Variants in DNAH8 observed in about 807,000 individuals in gnomAD.
The protein encoded by DNAH8 is dynein axonemal heavy chain 8.
In DNAH8, 382 loss-of-function variants were observed where a neutral mutation model predicts 562.1. That is an observed-to-expected ratio of 0.68 (90% CI 0.63 to 0.74). The LOEUF is 0.74. DNAH8 is among the 30% of genes least tolerant of loss of function. The probability of loss-of-function intolerance (pLI) is 0.00; values close to 1 mark genes in which losing one functional copy is unlikely to be tolerated. For missense variants in DNAH8, 5,203 were observed against 5,620.4 expected, an observed-to-expected ratio of 0.93 and a Z score of 2.37; for synonymous variants, 1,881 against 1,919.4, an observed-to-expected ratio of 0.98 and a Z score of 0.52.
At chr6:38,715,958 A>ATTTTTTTTTT (rs1454056787) in intron 1 of DNAH8, among the ~76,000 whole-genome samples, 39 of 31,050 alleles carry the variant, frequency 1.3e-3, no homozygotes, top group African/African-American at 7.6e-3. Context: ...ATATATATAT[A>ATTTTTTTTTT]TATTTTTTTT....
At position 38,857,708 on chromosome 6, in the gene DNAH8, T is replaced by G; in HGVS notation, c.5924T>G (p.Ile1975Ser). 6.2e-7 allele frequency: 1 copy of G among 1,612,738 alleles called. No individual in the cohort carries two copies. ...GTGAAGTTCGAGACTCTAATTACCATCCATGTGCATCAGAGAGATATTTTT... is the reference window on the plus strand; with the variant it reads ...GTGAAGTTCGAGACTCTAATTACCAGCCATGTGCATCAGAGAGATATTTTT... The part of the protein sequence containing the change: ...DRVKFETLIT[I>S]HVHQRDIFDD... The change falls in exon 42 of 93, where the codon ATC (isoleucine) becomes AGC (serine). Residue 1975 changes from isoleucine to serine, a missense_variant. Around this residue, in one of 6 missense-constraint regions of DNAH8, gnomAD observed 2,176 missense variants for 2,365.1 expected, o/e 0.92. Transcript: ENST00000327475.
chr6:39,010,634 G>A lies in DNAH8; in HGVS notation c.13372-1581G>A, dbSNP rs146942957. On this transcript the variant is annotated intron_variant, in intron 89 of 92. Transcript: ENST00000327475. ...ATACCTGGGCTATTGATTTGATACTGTAGTCAATACCTGAGCTTTATTTTC... is the reference window on the plus strand; with the variant it reads ...ATACCTGGGCTATTGATTTGATACTATAGTCAATACCTGAGCTTTATTTTC... 1.1e-4 allele frequency among the ~76,000 whole-genome samples: 16 copies of A among 152,120 alleles called. No homozygotes were observed. The East Asian group carries it at 2.9e-3, about 28-fold the overall frequency.
intron 62 of DNAH8, among the ~76,000 whole-genome samples, chr6:38,904,512 C>T (rs1321513293): frequency 2.0e-5 from 3 of 151,904 alleles, no homozygotes; most frequent in Non-Finnish European, 4.4e-5. Flanking sequence ...AAATGCTGGC[C>T]GGGCGCCCTG....
chr6:38,917,957 T>G lies in DNAH8; in HGVS notation c.10341T>G (p.Leu3447=). 6.2e-7 allele frequency: 1 copy of G among 1,613,638 alleles called. No individual in the cohort carries two copies. Among genetic ancestry groups the G allele is most frequent in the Non-Finnish European group, 8.5e-7 (1 of 1,179,806 alleles). ...GTGCAACAGGATTCCTGTGGAGCCT[T>G]CAGCAGTTCCCTAAGGACACTATAA... is the stretch of plus-strand genomic sequence containing the variant. The part of the protein sequence containing the change: ...LMSATGFLWS[L]QQFPKDTINE... Residue 3447 remains leucine, a synonymous_variant, in exon 70 of 93, where the codon CTT becomes CTG. Transcript: ENST00000327475.
At chr6:39,020,243 C>G (rs375813732) in intron 91 of DNAH8, among the ~76,000 whole-genome samples, 1 of 152,102 alleles carries the variant, frequency 6.6e-6, no homozygotes, top group Non-Finnish European at 1.5e-5. Flanking sequence ...CTCAAGGGGC[C>G]CTGGAAAGAG....
In DNAH8 at chr6:38,911,698, A is replaced by G. The variant is rs143817859; in HGVS notation, c.9859+112A>G. On this transcript the variant is annotated intron_variant, in intron 66 of 92. Transcript: ENST00000327475. ...CTGAAAATGAAATACTCACTTTGTT[A>G]GTAGTAGATAATTTTAAAGGATGGC... 190 of 729,144 alleles carry G rather than the reference A, an allele frequency of 2.6e-4. No homozygotes were observed. The African/African-American group carries it at 3.0e-3, about 11-fold the overall frequency. The allele number at this position is 729,144 out of a possible 1,614,324, so 45.2% of individuals were successfully genotyped here.
intron 85 of DNAH8, among the ~76,000 whole-genome samples, chr6:38,977,602 A>G (rs1484275302): frequency 1.3e-5 from 2 of 152,116 alleles, no homozygotes; most frequent in Non-Finnish European, 2.9e-5. Flanking sequence ...CATCCAGTGT[A>G]GCATCGTTCT....
chr6:39,030,432 A>T lies in DNAH8; in HGVS notation c.*40A>T. On this transcript the variant is annotated 3_prime_UTR_variant, in exon 93 of 93. Transcript: ENST00000327475. ...GCTCAGGGCACCAGAACCCACATAG[A>T]CAGCCTGTGCTATTGAGGGACTCAG... is the stretch of plus-strand genomic sequence containing the variant. 1 of 1,574,934 alleles carries T rather than the reference A, an allele frequency of 6.3e-7. No homozygotes were observed. Among genetic ancestry groups the T allele is most frequent in the Non-Finnish European group, 8.7e-7 (1 of 1,153,262 alleles).
rs746555033 is a variant in DNAH8 at position 39,026,593 on chromosome 6, T to C, written c.13762T>C (p.Trp4588Arg). The C allele has an allele frequency of 2.5e-6, 4 of 1,613,538 alleles. No individual in the cohort carries two copies. The South Asian group carries it at 3.3e-5, about 13-fold the overall frequency. The part of the protein sequence containing the change: ...RQEVTRAHKG[W>R]ALDTVTIHNE... ...AGAAGTGACCCGTGCCCACAAAGGC[T>C]GGGCACTGGACACTGTGACCATCCA... Residue 4588 changes from tryptophan (W) to arginine (R), a missense_variant, in exon 92 of 93, where the codon TGG (tryptophan) becomes CGG (arginine). Trp to Arg is a moderately radical substitution (Grantham distance 101). Coordinates refer to ENST00000327475, the MANE Select transcript of DNAH8 (RefSeq NM_001206927.2).
chr6:38,902,000 C>A (rs1290910451), intron 62 of DNAH8, among the ~76,000 whole-genome samples: 5 of 152,144 alleles, frequency 3.3e-5, no homozygotes, highest in Non-Finnish European at 7.4e-5. Flanking sequence ...GACATGCAAT[C>A]CTCCAATCCA....
chr6:38,843,586 A>G (rs1294750202), intron 35 of DNAH8, among the ~76,000 whole-genome samples: 1 of 152,218 alleles, frequency 6.6e-6, no homozygotes, highest in Non-Finnish European at 1.5e-5. Context: ...ACTCATGGCC[A>G]ATATTATTTT....
At chr6:38,809,507 G>T (rs1771604507) in intron 24 of DNAH8, among the ~76,000 whole-genome samples, 1 of 152,196 alleles carries the variant, frequency 6.6e-6, no homozygotes, top group South Asian at 2.1e-4. Context: ...TACTTGTGAG[G>T]TCAGGTGGGG....
intron 8 of DNAH8, among the ~76,000 whole-genome samples, chr6:38,746,520 A>AT (rs933701939): frequency 1.3e-4 from 20 of 151,628 alleles, no homozygotes; most frequent in African/African-American, 1.9e-4. Flanking sequence ...TTGTATTTTA[A>AT]TTTTTTTTTA....
At chr6:38,928,807 G>A (rs561721753) in intron 74 of DNAH8, among the ~76,000 whole-genome samples, 41 of 152,244 alleles carry the variant, frequency 2.7e-4, no homozygotes, top group African/African-American at 9.1e-4. Context: ...CAGGGGGAGG[G>A]ATCCTAGGTG....
intron 68 of DNAH8, among the ~76,000 whole-genome samples, chr6:38,915,617 A>G (rs997076931): frequency 6.6e-6 from 1 of 152,178 alleles, no homozygotes; most frequent in Non-Finnish European, 1.5e-5. Flanking sequence ...AAATAATGCT[A>G]GTGGTTAGTG....
At chr6:38,851,885 T>C (rs1775777301) in intron 39 of DNAH8, among the ~76,000 whole-genome samples, 1 of 152,212 alleles carries the variant, frequency 6.6e-6, no homozygotes, top group Admixed American at 6.5e-5. Flanking sequence ...ACTATGCCAT[T>C]CCTAGCTGTG....
At chr6:38,771,063 G>A (rs1767524031) in intron 12 of DNAH8, among the ~76,000 whole-genome samples, 1 of 152,052 alleles carries the variant, frequency 6.6e-6, no homozygotes, top group Non-Finnish European at 1.5e-5. Context: ...TTTTTTGGGG[G>A]ATATAGGCCA....
chr6:38,771,921 A>G (rs1053968925), intron 12 of DNAH8, among the ~76,000 whole-genome samples: 2 of 152,212 alleles, frequency 1.3e-5, no homozygotes, highest in African/African-American at 2.4e-5. Context: ...TAGAATTGCT[A>G]GGTCATATGG....
At chr6:38,794,085 T>C (rs925777334) in intron 21 of DNAH8, among the ~76,000 whole-genome samples, 1 of 152,264 alleles carries the variant, frequency 6.6e-6, no homozygotes, top group Non-Finnish European at 1.5e-5. Flanking sequence ...TCATAGATTG[T>C]ATAAACTCAA....
Sources: allele counts gnomAD v4.1 joint callset (sites outside exome capture counted in the v4.1 genomes callset), GRCh38; gene constraint gnomAD v4.1.1; regional missense constraint gnomAD v4.1.1; transcripts MANE v1.5; gene names NCBI Gene and HGNC (gene_info 2026-07-23, HGNC 2026-07-21).